The following SCMH1 variants were observed in gnomAD, a reference collection of about 807,000 sequenced individuals.
SCMH1 encodes Scm polycomb group protein homolog 1, also known as polycomb protein SCMH1.
A neutral mutation model predicts 70.8 loss-of-function variants in SCMH1; 37 were observed. That is an observed-to-expected ratio of 0.52 (90% confidence interval 0.40 to 0.69). The LOEUF (loss-of-function observed/expected upper bound fraction) is 0.69, where lower values mean the gene tolerates loss of function less well. Among genes scored for constraint, SCMH1 ranks in the 30% least tolerant of loss-of-function variants. The pLI, the probability that SCMH1 is intolerant of heterozygous loss-of-function variation, is 0.00. For missense variants in SCMH1, 607 were observed against 827.3 expected (o/e 0.73, Z 3.27); for synonymous variants, 292 against 307.4 (o/e 0.95, Z 0.52).
intron 9 of SCMH1, among the ~76,000 whole-genome samples, 189 bp downstream of exon 9, chr1:41,075,030 T>C (rs1244175055): frequency 2.0e-5 from 3 of 152,104 alleles, no homozygotes; most frequent in Admixed American, 2.0e-4. Context: ...GCCTGGTTAA[T>C]TTTTTGTATT....
Position 41,028,190 on chromosome 1 carries a change from T to C in SCMH1, c.*4A>G, listed in dbSNP as rs758384448. 4.3e-6 allele frequency: 7 copies of C among 1,614,134 alleles called. 1 individual carries two copies. The South Asian group carries it at 6.6e-5, about 15-fold the overall frequency. ...ACTTGGTTGTCTAGGCTGCCTCTCC[T>C]GGTTCAGAACTTGCCCTGCTTCAGC... On this transcript the variant is annotated 3_prime_UTR_variant, in exon 15 of 15. Coordinates refer to ENST00000337495, the Ensembl canonical transcript of SCMH1.
At chr1:41,100,460 A>G (rs1237082469) in intron 8 of SCMH1, among the ~76,000 whole-genome samples, 1 of 152,216 alleles carries the variant, frequency 6.6e-6, no homozygotes, top group Non-Finnish European at 1.5e-5. Flanking sequence ...CTAGACAAGG[A>G]GTAACGTAAA....
intron 5 of SCMH1, among the ~76,000 whole-genome samples, chr1:41,150,281 T>A (rs1042354514): frequency 1.3e-5 from 2 of 152,120 alleles, no homozygotes; most frequent in Non-Finnish European, 2.9e-5. Flanking sequence ...GGTGGGTGGA[T>A]CACCTGAAAT....
intron 2 of SCMH1, among the ~76,000 whole-genome samples, chr1:41,164,959 C>T (rs1646316194): frequency 6.6e-6 from 1 of 152,092 alleles, no homozygotes; most frequent in Admixed American, 6.5e-5. Flanking sequence ...CTACAGTCAA[C>T]ATGCTCTGCA....
intron 13 of SCMH1, among the ~76,000 whole-genome samples, chr1:41,036,860 A>G (rs1645372294): frequency 6.6e-6 from 1 of 152,132 alleles, no homozygotes; most frequent in South Asian, 2.1e-4. Flanking sequence ...ATGGCCATTT[A>G]TACAGTCTCA....
intron 1 of SCMH1, among the ~76,000 whole-genome samples, chr1:41,203,026 T>TA (rs1654726043): frequency 6.6e-6 from 1 of 151,932 alleles, no homozygotes; most frequent in Non-Finnish European, 1.5e-5. Context: ...TTAAAAGTTT[T>TA]AAAAAAAGAA....
chr1:41,038,684 T>G (rs1645660057), intron 12 of SCMH1, among the ~76,000 whole-genome samples: 1 of 151,936 alleles, frequency 6.6e-6, no homozygotes, highest in South Asian at 2.1e-4. Flanking sequence ...TTGAAACCCT[T>G]TCCTAGAAGT....
intron 10 of SCMH1, among the ~76,000 whole-genome samples, chr1:41,060,223 T>G (rs1317777600): frequency 6.6e-6 from 1 of 151,998 alleles, no homozygotes; most frequent in African/African-American, 2.4e-5. Flanking sequence ...AACCCTGACA[T>G]CTACACCTAG....
At chr1:41,090,427 G>T (rs1411417628) in intron 8 of SCMH1, among the ~76,000 whole-genome samples, 2 of 151,868 alleles carry the variant, frequency 1.3e-5, no homozygotes, top group African/African-American at 4.8e-5. Context: ...ATTTTTGGTT[G>T]AAGTTACAAA....
At chr1:41,119,443 A>C (rs143550874) in intron 6 of SCMH1, among the ~76,000 whole-genome samples, 3,778 of 85,824 alleles carry the variant, frequency 0.044, 61 homozygotes, top group African/African-American at 0.1. Flanking sequence ...TAGGGCAAAA[A>C]AAAAACAAAA....
intron 1 of SCMH1, among the ~76,000 whole-genome samples, chr1:41,204,851 A>G (rs1226445188): frequency 6.6e-6 from 1 of 152,190 alleles, no homozygotes; most frequent in African/African-American, 2.4e-5. Context: ...GCCTGGTGTA[A>G]GAGGAGATAC....
In SCMH1 at chr1:41,143,041, T is replaced by C. The variant is rs748354724; in HGVS notation, c.249A>G (p.Thr83=). ...CAACTACTGTGGCAATACAGGTGGATGTGGTGTTCCTGGGGTCCTGTGCTT... is the reference window on the plus strand; with the variant it reads ...CAACTACTGTGGCAATACAGGTGGACGTGGTGTTCCTGGGGTCCTGTGCTT... The change falls in exon 6 of 15, where the codon ACA becomes ACG. Residue 83 remains threonine, a synonymous_variant. Transcript: ENST00000337495. The C allele has an allele frequency of 7.4e-6, 12 of 1,614,006 alleles. 1 individual carries two copies. Among genetic ancestry groups the C allele is most frequent in the African/African-American group, 6.7e-5 (5 of 74,894 alleles).
intron 2 of SCMH1, among the ~76,000 whole-genome samples, chr1:41,179,034 TCTCTCAGAC>T (rs1461999595): frequency 6.6e-6 from 1 of 152,076 alleles, no homozygotes; most frequent in Non-Finnish European, 1.5e-5. Context: ...TAACAAACTG[TCTCTCAGAC>T]CACAGTGCAA....
At chr1:41,187,474 A>C (rs1004731203) in intron 1 of SCMH1, among the ~76,000 whole-genome samples, 1 of 151,518 alleles carries the variant, frequency 6.6e-6, no homozygotes, top group Non-Finnish European at 1.5e-5. Flanking sequence ...AAAAAAAAAA[A>C]AACCCCAAAA....
At chr1:41,064,591 C>T (rs1269000879) in intron 10 of SCMH1, among the ~76,000 whole-genome samples, 1 of 152,084 alleles carries the variant, frequency 6.6e-6, no homozygotes, top group Non-Finnish European at 1.5e-5. Flanking sequence ...TCCTATATAG[C>T]AGCAATGAAC....
chr1:41,218,321 G>T (rs1384624934), intron 1 of SCMH1, among the ~76,000 whole-genome samples: 1 of 152,160 alleles, frequency 6.6e-6, no homozygotes, highest in Non-Finnish European at 1.5e-5. Context: ...GGTCTTTGCA[G>T]ATATAAACAA....
At chr1:41,087,893 A>C (rs749760325) in intron 8 of SCMH1, among the ~76,000 whole-genome samples, 4 of 150,060 alleles carry the variant, frequency 2.7e-5, no homozygotes, top group African/African-American at 9.8e-5. Context: ...ATATTATTGT[A>C]CAATATACTA....
chr1:41,203,084 T>C (rs1344762447), intron 1 of SCMH1, among the ~76,000 whole-genome samples: 2 of 152,084 alleles, frequency 1.3e-5, no homozygotes, highest in African/African-American at 4.8e-5. Flanking sequence ...ACCCAGTATA[T>C]CATATTATTT....
intron 8 of SCMH1, among the ~76,000 whole-genome samples, chr1:41,080,455 T>A (rs1659656327): frequency 6.6e-6 from 1 of 152,054 alleles, no homozygotes; most frequent in African/African-American, 2.4e-5. Flanking sequence ...ATATCCCTCA[T>A]GAACATACAT....
Sources: allele counts gnomAD v4.1 joint callset (sites outside exome capture counted in the v4.1 genomes callset), GRCh38; gene constraint gnomAD v4.1.1; transcripts MANE v1.5; gene names NCBI Gene and HGNC (gene_info 2026-07-23, HGNC 2026-07-21).